BRI3: variants seen among roughly 807,000 people sequenced by gnomAD.
The protein encoded by BRI3 is membrane protein BRI3.
Under a neutral mutation model 12.8 loss-of-function variants are expected in BRI3, and 6 were observed. That is an observed-to-expected ratio of 0.47 (90% CI 0.26 to 0.93). BRI3 has a LOEUF of 0.93. BRI3 is among the 40% of genes least tolerant of loss of function. The pLI is 0.15. For synonymous variants in BRI3, 91 were observed against 76.1 expected, an observed-to-expected ratio of 1.20 and a Z score of -1.02; for missense variants, 134 against 171.1, an observed-to-expected ratio of 0.78 and a Z score of 1.21.
At chr7:98,319,906 AAG>A in the BRI3 span, 2 of 713,418 alleles carry the variant, frequency 2.8e-6, no homozygotes, top group South Asian at 3.6e-5. Flanking sequence ...ACACAGCCCA[AAG>A]AGAGCTTGTC....
At chr7:98,302,740 T>C (rs1011744012), upstream of BRI3, among the ~76,000 whole-genome samples, 12 of 152,330 alleles carry the variant, frequency 7.9e-5, no homozygotes, top group South Asian at 2.1e-4. Context: ...CCACCAATTA[T>C]AATGTATGGA....
chr7:98,308,470 C>G (rs956663489), exon 2 of BRI3: 7 of 364,916 alleles, frequency 1.9e-5, no homozygotes, highest in African/African-American at 8.5e-5. Flanking sequence ...GCTGCCATCC[C>G]GCCAGGCTCC....
downstream of BRI3, chr7:98,293,648 G>A (rs745315781): frequency 2.6e-6 from 4 of 1,559,190 alleles, no homozygotes; most frequent in Middle Eastern, 1.8e-4. Flanking sequence ...GAGGGAAACT[G>A]GATTTTAACA....
the BRI3 span, chr7:98,320,181 T>A: frequency 6.3e-7 from 1 of 1,591,300 alleles, no homozygotes; most frequent in African/African-American, 1.3e-5. Context: ...TTAAGCAAAA[T>A]AAGTTCTAAA....
At chr7:98,312,082 A>G (rs1800894510), downstream of BRI3, 5 of 1,576,844 alleles carry the variant, frequency 3.2e-6, no homozygotes, top group South Asian at 2.3e-5. Flanking sequence ...TCTGGAAGAG[A>G]AAACTGGCTC....
downstream of BRI3, chr7:98,292,927 C>T: frequency 7.3e-7 from 1 of 1,377,372 alleles, no homozygotes; most frequent in Non-Finnish European, 9.4e-7. Flanking sequence ...GGCAAAGCGT[C>T]TTAGCACTCT....
At chr7:98,295,323 T>C (rs1800146666), downstream of BRI3, among the ~76,000 whole-genome samples, 1 of 152,068 alleles carries the variant, frequency 6.6e-6, no homozygotes, top group African/African-American at 2.4e-5. Flanking sequence ...GGGCAGGGCA[T>C]CTGGGGCCAA....
At chr7:98,282,510 A>G in intron 2 of BRI3, 57 bp downstream of exon 2, 1 of 1,422,184 alleles carries the variant, frequency 7.0e-7, no homozygotes, top group East Asian at 2.3e-5. Flanking sequence ...CCCCCGCCCT[A>G]ACCCCCAGGA....
In BRI3 at chr7:98,281,707, T is replaced by G; in HGVS notation, c.-89T>G. On this transcript the variant is annotated 5_prime_UTR_variant, in exon 1 of 3. Coordinates refer to ENST00000297290, the MANE Select transcript of BRI3 (RefSeq NM_015379.5). Reference sequence around the variant, plus strand: ...CCTCAGAGGGGCCCGAGCCACCCGGTCCGCCGCGTCCCCGCCGCCGCCGCC... The same window carrying G: ...CCTCAGAGGGGCCCGAGCCACCCGGGCCGCCGCGTCCCCGCCGCCGCCGCC... 3.7e-6 allele frequency: 2 copies of G among 539,038 alleles called. No homozygotes were observed. Among genetic ancestry groups the G allele is most frequent in the Non-Finnish European group, 4.7e-6 (2 of 427,776 alleles). 33.4% of individuals were successfully genotyped at this position (539,038 alleles called of 1,614,324 possible).
chr7:98,318,817 G>A, the BRI3 span, among the ~76,000 whole-genome samples: 1 of 151,608 alleles, frequency 6.6e-6, no homozygotes, highest in African/African-American at 2.4e-5. Context: ...AGTGGTGGGT[G>A]CCTGTAATCC....
intron 2 of BRI3, among the ~76,000 whole-genome samples, chr7:98,288,580 C>T (rs745769073): frequency 7.6e-5 from 11 of 144,686 alleles, no homozygotes; most frequent in Non-Finnish European, 1.5e-4. Flanking sequence ...GTGTGCCCTG[C>T]AGCCCAGCTC....
chr7:98,288,485 A>G (rs1799786070), intron 2 of BRI3, among the ~76,000 whole-genome samples: 1 of 151,610 alleles, frequency 6.6e-6, no homozygotes, highest in Non-Finnish European at 1.5e-5. Context: ...TAAATAGGGG[A>G]CACATTTGTA....
upstream of BRI3, among the ~76,000 whole-genome samples, chr7:98,303,230 T>G (rs1161650360): frequency 6.6e-6 from 1 of 152,074 alleles, no homozygotes; most frequent in East Asian, 1.9e-4. Flanking sequence ...TAGAAGCACA[T>G]CCGTTTCATA....
downstream of BRI3, among the ~76,000 whole-genome samples, chr7:98,296,779 T>C (rs1053227657): frequency 6.6e-6 from 1 of 152,218 alleles, no homozygotes; most frequent in Non-Finnish European, 1.5e-5. Context: ...CAGGAGCCTC[T>C]CTGCCTCCCT....
chr7:98,320,141 A>C, the BRI3 span: 4 of 1,607,008 alleles, frequency 2.5e-6, no homozygotes, highest in Admixed American at 5.0e-5. Context: ...TGTTAACAAA[A>C]GGAAATAAAT....
chr7:98,282,208 C>A, intron 1 of BRI3, 143 bp from the exon 2 acceptor site: 1 of 847,596 alleles, frequency 1.2e-6, no homozygotes. Context: ...AGCGCCGAAT[C>A]AGGCCCGCGG....
chr7:98,302,173 C>T (rs968979179), upstream of BRI3, among the ~76,000 whole-genome samples: 7 of 152,230 alleles, frequency 4.6e-5, no homozygotes, highest in African/African-American at 1.4e-4. Context: ...ATACTTACAA[C>T]CAGGCTTCTT....
chr7:98,321,913 C>T, the BRI3 span, among the ~76,000 whole-genome samples: 8 of 152,032 alleles, frequency 5.3e-5, no homozygotes, highest in African/African-American at 1.2e-4. Flanking sequence ...CTGGCCAACA[C>T]GGTGAAACCC....
Position 98,291,282 on chromosome 7 carries a change from T to G in BRI3, c.*39T>G, listed in dbSNP as rs1467627478. 4 of 1,609,896 alleles carry G rather than the reference T, an allele frequency of 2.5e-6. No individual in the cohort carries two copies. Among genetic ancestry groups the G allele is most frequent in the Non-Finnish European group, 3.4e-6 (4 of 1,178,998 alleles). On this transcript the variant is annotated 3_prime_UTR_variant, in exon 3 of 3. Coordinates refer to ENST00000297290, the MANE Select transcript of BRI3 (RefSeq NM_015379.5). Reference sequence around the variant, plus strand: ...CCCGGCTTTCCTACACCCAGCTCTCTTTTTCTAATGTAAATGTTGTGTACA... The same window carrying G: ...CCCGGCTTTCCTACACCCAGCTCTCGTTTTCTAATGTAAATGTTGTGTACA...
Sources: gnomAD v4.1 joint callset for allele counts (sites outside exome capture counted in the v4.1 genomes callset) on GRCh38, gnomAD v4.1.1 for gene constraint, MANE v1.5 for transcripts, NCBI Gene and HGNC (gene_info 2026-07-23, HGNC 2026-07-21) for gene names.